Variants in TGFBI observed in about 807,000 individuals in gnomAD.
TGFBI encodes the protein transforming growth factor beta induced.
In TGFBI, 50 loss-of-function variants were observed where a neutral mutation model predicts 73.7. That is an observed-to-expected ratio of 0.68 (90% CI 0.54 to 0.86). TGFBI has a LOEUF of 0.86. Ranked by LOEUF, TGFBI falls within the 40% of genes least tolerant of loss-of-function variation. The pLI is 0.00. For synonymous variants in TGFBI, 362 were observed against 360.5 expected (o/e 1.00, Z -0.05); for missense variants, 839 against 877.0 (o/e 0.96, Z 0.55).
At chr5:136,030,211 C>T (rs1411925984) in intron 1 of TGFBI, among the ~76,000 whole-genome samples, 1 of 152,158 alleles carries the variant, frequency 6.6e-6, no homozygotes, top group Non-Finnish European at 1.5e-5. Context: ...CGGGGTCTGG[C>T]GTTCACACCC....
intron 12 of TGFBI, among the ~76,000 whole-genome samples, chr5:136,057,542 C>T (rs898132530): frequency 6.6e-6 from 1 of 151,934 alleles, no homozygotes; most frequent in Non-Finnish European, 1.5e-5. Flanking sequence ...AGGCAGACAG[C>T]CTGGTCAGTA....
Position 136,054,796 on chromosome 5 carries a change from C to G in TGFBI, c.1345C>G (p.Leu449Val). 6.2e-7 allele frequency: 1 copy of G among 1,613,978 alleles called. No individual in the cohort carries two copies. Among genetic ancestry groups the G allele is most frequent in the Non-Finnish European group, 8.5e-7 (1 of 1,179,890 alleles). ...IIKDQLASKY[L>V]YHGQTLETLG... ...TAAAGACCAGCTGGCCTCTAAGTAT[C>G]TGTACCATGGACAGACCCTGGAAAC... is the stretch of plus-strand genomic sequence containing the variant. Residue 449 changes from leucine to valine, a missense_variant, in exon 10 of 17, where the codon CTG becomes GTG. Transcript: ENST00000442011.
chr5:136,043,803 G>A (rs1410753505), intron 2 of TGFBI, among the ~76,000 whole-genome samples: 1 of 152,232 alleles, frequency 6.6e-6, no homozygotes, highest in Non-Finnish European at 1.5e-5. Context: ...GGCTGCCAGA[G>A]TCCTCTGTTC....
chr5:136,050,746 C>T (rs1171447051), intron 7 of TGFBI, among the ~76,000 whole-genome samples: 1 of 152,220 alleles, frequency 6.6e-6, no homozygotes, highest in Non-Finnish European at 1.5e-5. Flanking sequence ...ACACCCTATA[C>T]ATCTATACAT....
At chr5:136,062,804 C>A (rs1751774633) in intron 16 of TGFBI, 117 bp downstream of exon 16, 3 of 1,190,796 alleles carry the variant, frequency 2.5e-6, no homozygotes, top group Non-Finnish European at 3.6e-6. Context: ...GTAAAAGAAG[C>A]CTGGCCTTTG....
chr5:136,034,896 T>A (rs1175714280), intron 2 of TGFBI, among the ~76,000 whole-genome samples: 1 of 152,220 alleles, frequency 6.6e-6, no homozygotes, highest in Non-Finnish European at 1.5e-5. Context: ...TAAGCACTTT[T>A]CAATGTTAGG....
intron 7 of TGFBI, among the ~76,000 whole-genome samples, chr5:136,050,702 C>T (rs1485967053): frequency 1.3e-5 from 2 of 152,172 alleles, no homozygotes; most frequent in Non-Finnish European, 2.9e-5. Flanking sequence ...CCCACCGTGT[C>T]AATGTGCTAT....
intron 1 of TGFBI, among the ~76,000 whole-genome samples, chr5:136,030,600 T>A (rs958209044): frequency 2.0e-5 from 3 of 152,230 alleles, no homozygotes; most frequent in Admixed American, 1.3e-4. Flanking sequence ...ACTTGGGCAG[T>A]GTGCAGAATA....
At chr5:136,037,462 T>A (rs1561606708) in intron 2 of TGFBI, among the ~76,000 whole-genome samples, 1 of 152,138 alleles carries the variant, frequency 6.6e-6, no homozygotes, top group Non-Finnish European at 1.5e-5. Context: ...CTCGACAGGC[T>A]TCCTTTGTGC....
chr5:136,050,307 G>T (rs1751512233), intron 7 of TGFBI, among the ~76,000 whole-genome samples: 1 of 148,980 alleles, frequency 6.7e-6, no homozygotes, highest in African/African-American at 2.5e-5. Context: ...ACTCCAGCCT[G>T]GGTGACACAG....
intron 6 of TGFBI, 98 bp downstream of exon 6, chr5:136,047,518 T>C: frequency 2.1e-6 from 3 of 1,462,330 alleles, no homozygotes; most frequent in Non-Finnish European, 1.9e-6. Context: ...AGAGGATGGC[T>C]CCTGTAGGGG....
In TGFBI at chr5:136,046,868, G is replaced by A. The variant is rs1487954967; in HGVS notation, c.477G>A (p.Leu159=). Residue 159 remains leucine, a synonymous_variant, in exon 5 of 17, where the codon CTG becomes CTA. Coordinates refer to ENST00000442011, the MANE Select transcript of TGFBI (RefSeq NM_000358.3). ...CCTCCTAGGAAGTGCTGGACTCCCT[G>A]GTCAGCAATGTCAACATTGAGCTGC... ...ASLPAEVLDS[L]VSNVNIELLN... is the part of the protein sequence containing the mutation. The A allele has an allele frequency of 6.2e-7, 1 of 1,613,366 alleles. No homozygotes were observed. The highest frequency in any genetic ancestry group is 8.5e-7 in the Non-Finnish European group (1 of 1,179,724).
chr5:136,033,975 A>C, intron 2 of TGFBI, 114 bp downstream of exon 2: 2 of 838,052 alleles, frequency 2.4e-6, no homozygotes, highest in Non-Finnish European at 4.0e-6. Context: ...ATGAAGATGC[A>C]TGTGCGAACA....
At position 136,029,112 on chromosome 5, in the gene TGFBI, C is replaced by T. The variant is rs1276472590; in HGVS notation, c.57C>T (p.Ala19=). 6.6e-6 allele frequency: 10 copies of T among 1,526,018 alleles called. No homozygotes were observed. The East Asian group carries it at 2.3e-4, about 35-fold the overall frequency. The allele number at this position is 1,526,018 out of a possible 1,614,324, so 94.5% of individuals were successfully genotyped here. A position where few individuals can be genotyped will look rare whatever the true frequency, so the allele number is the denominator to read the frequency against. ...CCCTGGCTCTGGCCCTGGGCCCCGC[C>T]GCGACCCTGGCGGGTCCCGCCAAGT... ...ALALALALGP[A]ATLAGPAKSP... Residue 19 remains alanine, a synonymous_variant, in exon 1 of 17, where the codon GCC becomes GCT. Transcript: ENST00000442011.
At chr5:136,030,159 T>C (rs150541766) in intron 1 of TGFBI, among the ~76,000 whole-genome samples, 2 of 152,244 alleles carry the variant, frequency 1.3e-5, no homozygotes, top group Non-Finnish European at 2.9e-5. Flanking sequence ...TATATATGAG[T>C]AGAATCTTGT....
rs376035494 is a variant in TGFBI at position 136,044,171 on chromosome 5, G to A, written c.298+49G>A. On this transcript the variant is annotated intron_variant, in intron 3 of 16. Coordinates refer to ENST00000442011, the MANE Select transcript of TGFBI (RefSeq NM_000358.3). ...CCTGTTGGTGTGGGTGGAAGGGAATGGTGGGAGAGAGGAGTACCCACATAA... is the reference window on the plus strand; with the variant it reads ...CCTGTTGGTGTGGGTGGAAGGGAATAGTGGGAGAGAGGAGTACCCACATAA... 16 of 1,516,668 alleles carry A rather than the reference G, an allele frequency of 1.1e-5. No individual in the cohort carries two copies. In the African/African-American group the frequency reaches 2.1e-4, roughly 20 times the overall value. 94.0% of individuals were successfully genotyped at this position (1,516,668 alleles called of 1,614,324 possible). A position where few individuals can be genotyped will look rare whatever the true frequency, so the allele number is the denominator to read the frequency against.
In TGFBI at chr5:136,063,723, C is replaced by A. The variant is rs892756945; in HGVS notation, c.*497C>A. On this transcript the variant is annotated 3_prime_UTR_variant, in exon 17 of 17. Coordinates refer to ENST00000442011, the MANE Select transcript of TGFBI (RefSeq NM_000358.3). ...CGTGGCTTGGAGGCTTTTATGGGGCCCTGTCCAGGTAGAAAAGAAATGGTA... is the reference window on the plus strand; with the variant it reads ...CGTGGCTTGGAGGCTTTTATGGGGCACTGTCCAGGTAGAAAAGAAATGGTA... The A allele has an allele frequency of 3.0e-5, 5 of 166,524 alleles. No homozygotes were observed. The South Asian group carries it at 8.3e-4, about 28-fold the overall frequency. The allele number at this position is 166,524 out of a possible 1,614,324, so 10.3% of individuals were successfully genotyped here.
intron 1 of TGFBI, 66 bp from the exon 2 acceptor site, chr5:136,033,697 A>G: frequency 7.3e-7 from 1 of 1,370,884 alleles, no homozygotes; most frequent in Non-Finnish European, 1.0e-6. Flanking sequence ...GGCAAACACG[A>G]TGGGAGTCAT....
At position 136,029,169 on chromosome 5, in the gene TGFBI, G is replaced by T; in HGVS notation, c.114G>T (p.Arg38Ser). 6.6e-7 allele frequency: 1 copy of T among 1,512,972 alleles called. No homozygotes were observed. Among genetic ancestry groups the T allele is most frequent in the Non-Finnish European group, 8.8e-7 (1 of 1,136,210 alleles). The allele number at this position is 1,512,972 out of a possible 1,614,324, so 93.7% of individuals were successfully genotyped here. A position where few individuals can be genotyped will look rare whatever the true frequency, so the allele number is the denominator to read the frequency against. Residue 38 changes from arginine to serine, a missense_variant, in exon 1 of 17, where the codon AGG becomes AGT. By Grantham distance (110) the Arg-to-Ser change is moderately radical. Transcript: ENST00000442011. ...SPYQLVLQHSRLRGRQHGPNV... is the reference protein window; with the variant it reads ...SPYQLVLQHSSLRGRQHGPNV... ...ACCAGCTGGTGCTGCAGCACAGCAG[G>T]CTCCGGGGCCGCCAGCACGGGTAAG...
Sources: gnomAD v4.1 joint callset for allele counts (sites outside exome capture counted in the v4.1 genomes callset) on GRCh38, gnomAD v4.1.1 for gene constraint, MANE v1.5 for transcripts, NCBI Gene and HGNC (gene_info 2026-07-23, HGNC 2026-07-21) for gene names.